The following TTC28 variants were observed in gnomAD, a reference collection of about 807,000 sequenced individuals.
TTC28 encodes the protein tetratricopeptide repeat domain 28.
TTC28 carries 61 observed loss-of-function variants against 198.0 expected under a neutral mutation model. That is an observed-to-expected ratio of 0.31 (90% CI 0.25 to 0.38). TTC28 has a LOEUF of 0.38. Ranked by LOEUF, TTC28 falls within the 10% of genes least tolerant of loss-of-function variation. The pLI, the probability that TTC28 is intolerant of heterozygous loss-of-function variation, is 1.00. For synonymous variants in TTC28, 1,171 were observed against 1,297.8 expected, an observed-to-expected ratio of 0.90 and a Z score of 2.10; for missense variants, 2,678 against 3,164.0, an observed-to-expected ratio of 0.85 and a Z score of 3.69.
At chr22:28,020,696 C>A (rs2146601438) in intron 13 of TTC28, among the ~76,000 whole-genome samples, 2 of 152,264 alleles carry the variant, frequency 1.3e-5, no homozygotes, top group Middle Eastern at 6.8e-3. Context: ...GCAGCTGCTC[C>A]CTGGCTTCCC....
rs193144345 is a variant in TTC28 at position 28,180,029 on chromosome 22, G to T, written c.934-16430C>A. Among the ~76,000 whole-genome samples, 8 of 152,246 alleles carry T rather than the reference G, an allele frequency of 5.3e-5. No homozygotes were observed. The East Asian group carries it at 1.5e-3, about 29-fold the overall frequency. On this transcript the variant is annotated intron_variant, in intron 5 of 22. Coordinates refer to ENST00000397906, the MANE Select transcript of TTC28 (RefSeq NM_001145418.2). Reference sequence around the variant, plus strand: ...TGTATTTATTAACAAAGGTCTGCCTGGTAGTAATTTATCTTTGCATAATTA... The same window carrying T: ...TGTATTTATTAACAAAGGTCTGCCTTGTAGTAATTTATCTTTGCATAATTA...
chr22:28,471,187 A>G (rs2048092544), intron 2 of TTC28, among the ~76,000 whole-genome samples: 1 of 152,236 alleles, frequency 6.6e-6, no homozygotes, highest in Non-Finnish European at 1.5e-5. Context: ...TCATAACAGT[A>G]TGCAGAACAA....
chr22:27,990,931 C>T (rs954625368), intron 19 of TTC28, 119 bp from the exon 20 acceptor site: 78 of 1,020,828 alleles, frequency 7.6e-5, no homozygotes, highest in African/African-American at 5.0e-4. Context: ...ACACCAGGCC[C>T]GCGGCTCTGA....
At chr22:28,247,310 C>T (rs777681351) in intron 5 of TTC28, among the ~76,000 whole-genome samples, 5 of 152,168 alleles carry the variant, frequency 3.3e-5, no homozygotes, top group Non-Finnish European at 4.4e-5. Context: ...CATGAACTTT[C>T]TCATGGTGTG....
intron 2 of TTC28, among the ~76,000 whole-genome samples, chr22:28,332,596 C>T (rs1212787836): frequency 6.6e-6 from 1 of 152,050 alleles, no homozygotes; most frequent in African/African-American, 2.4e-5. Context: ...AGTGTACACA[C>T]ATGGTGAAAC....
intron 2 of TTC28, among the ~76,000 whole-genome samples, chr22:28,403,087 C>G (rs2046942319): frequency 6.6e-6 from 1 of 152,174 alleles, no homozygotes; most frequent in African/African-American, 2.4e-5. Flanking sequence ...GCTTTTGTAT[C>G]TCCTTACTGG....
chr22:28,661,109 A>AC (rs1298217048), intron 1 of TTC28, among the ~76,000 whole-genome samples: 1 of 150,616 alleles, frequency 6.6e-6, no homozygotes, highest in Admixed American at 6.6e-5. Context: ...ACATGGAGAA[A>AC]CCCCGTCTCT....
intron 5 of TTC28, among the ~76,000 whole-genome samples, chr22:28,164,755 C>T (rs1229047929): frequency 6.6e-6 from 1 of 152,166 alleles, no homozygotes; most frequent in Non-Finnish European, 1.5e-5. Flanking sequence ...TCCAAAGGAA[C>T]ACAGTTCCTC....
At chr22:28,418,939 A>G (rs1193273377) in intron 2 of TTC28, among the ~76,000 whole-genome samples, 5 of 152,198 alleles carry the variant, frequency 3.3e-5, no homozygotes, top group Non-Finnish European at 7.4e-5. Context: ...CTGGCTGAAC[A>G]AAATCAAAGA....
At chr22:28,136,918 C>A (rs12166023) in intron 6 of TTC28, among the ~76,000 whole-genome samples, 10,612 of 152,162 alleles carry the variant, frequency 0.07, 430 homozygotes, top group South Asian at 0.091. Flanking sequence ...TTGGGAGTAC[C>A]GCTTAAATCA....
rs544710868 is a variant in TTC28 at position 28,676,004 on chromosome 22, C to T, written c.102+3618G>A. 3.9e-5 allele frequency among the ~76,000 whole-genome samples: 6 copies of T among 152,174 alleles called. 1 individual carries two copies. The highest frequency in any genetic ancestry group is 1.2e-4 in the African/African-American group (5 of 41,508). ...TATCATATGACCCAGATAGTCTATT[C>T]CTTAGGTATATACCCAAGGGAAATG... is the stretch of plus-strand genomic sequence containing the variant. On this transcript the variant is annotated intron_variant, in intron 1 of 22. Transcript: ENST00000397906.
At chr22:28,146,457 T>A (rs1374331517) in intron 6 of TTC28, among the ~76,000 whole-genome samples, 1 of 152,230 alleles carries the variant, frequency 6.6e-6, no homozygotes, top group African/African-American at 2.4e-5. Context: ...CCAGGAGTTG[T>A]CAAGGCAGAC....
intron 2 of TTC28, among the ~76,000 whole-genome samples, chr22:28,315,100 A>G (rs566481472): frequency 1.1e-4 from 16 of 152,208 alleles, no homozygotes; most frequent in Admixed American, 2.0e-4. Flanking sequence ...TCAGATAAAC[A>G]CAATCATTTG....
At chr22:28,257,823 G>C (rs1206854173) in intron 5 of TTC28, among the ~76,000 whole-genome samples, 1 of 134,480 alleles carries the variant, frequency 7.4e-6, no homozygotes, top group African/African-American at 2.9e-5. Flanking sequence ...AAACAGCTTT[G>C]TCACATAAAA....
intron 2 of TTC28, among the ~76,000 whole-genome samples, chr22:28,447,183 A>G (rs181695186): frequency 6.6e-6 from 1 of 152,270 alleles, no homozygotes; most frequent in East Asian, 1.9e-4. Flanking sequence ...CTGACTTGCT[A>G]TATAACAAAA....
chr22:28,477,052 G>T (rs942085786), intron 2 of TTC28, among the ~76,000 whole-genome samples: 1 of 152,224 alleles, frequency 6.6e-6, no homozygotes. Context: ...ATAAAGTTCT[G>T]GAACAGGCAT....
chr22:28,446,865 G>A (rs912858508), intron 2 of TTC28, among the ~76,000 whole-genome samples: 3 of 152,182 alleles, frequency 2.0e-5, no homozygotes, highest in Non-Finnish European at 4.4e-5. Context: ...TAAACAGTAG[G>A]AAAAGGGTAG....
At chr22:28,255,772 T>G (rs968101474) in intron 5 of TTC28, among the ~76,000 whole-genome samples, 8 of 152,064 alleles carry the variant, frequency 5.3e-5, no homozygotes, top group African/African-American at 1.9e-4. Context: ...CTTCCCAGTC[T>G]GGGTCCCTGA....
chr22:28,491,695 G>A lies in TTC28; in HGVS notation c.381+137857C>T, dbSNP rs552502763. ...AACTAGTTCAACCATTGTGGAAGTC[G>A]GTGTGGTGATTCCTCAGGGATCTAG... On this transcript the variant is annotated intron_variant, in intron 2 of 22. Transcript: ENST00000397906. Among the ~76,000 whole-genome samples the A allele has an allele frequency of 9.9e-5, 15 of 152,176 alleles. No homozygotes were observed. The South Asian group carries it at 1.0e-3, about 11-fold the overall frequency.
Sources: allele counts gnomAD v4.1 joint callset (sites outside exome capture counted in the v4.1 genomes callset), GRCh38; gene constraint gnomAD v4.1.1; transcripts MANE v1.5; gene names NCBI Gene and HGNC (gene_info 2026-07-23, HGNC 2026-07-21).